Variants in TMEM181 observed in about 807,000 individuals in gnomAD.
The protein encoded by TMEM181 is transmembrane protein 181.
A neutral mutation model predicts 71.9 loss-of-function variants in TMEM181; 39 were observed. The ratio of observed to expected loss-of-function variants is 0.54; its 90% CI spans 0.42 to 0.71. TMEM181 has a LOEUF of 0.71. TMEM181 is among the 30% of genes least tolerant of loss of function. The pLI, the probability that TMEM181 is intolerant of heterozygous loss-of-function variation, is 0.00. For synonymous variants in TMEM181, 245 were observed against 228.8 expected, an observed-to-expected ratio of 1.07 and a Z score of -0.64; for missense variants, 595 against 583.0, an observed-to-expected ratio of 1.02 and a Z score of -0.21.
intron 1 of TMEM181, among the ~76,000 whole-genome samples, chr6:158,541,033 G>C (rs1226503938): frequency 2.6e-5 from 4 of 152,104 alleles, no homozygotes; most frequent in Non-Finnish European, 5.9e-5. Flanking sequence ...TAAAAACAAA[G>C]ATGCCCAGGT....
intron 10 of TMEM181, among the ~76,000 whole-genome samples, chr6:158,612,747 T>A (rs1785404906): frequency 2.0e-5 from 3 of 152,234 alleles, no homozygotes; most frequent in African/African-American, 7.2e-5. Flanking sequence ...TGTTATTTTT[T>A]ATTAGTAACT....
At chr6:158,556,811 A>G (rs1975414), upstream of TMEM181, among the ~76,000 whole-genome samples, 93,377 of 151,922 alleles carry the variant, frequency 0.61, 29,117 homozygotes, top group East Asian at 0.73. Context: ...TGCCCAGGCT[A>G]GAGTGCAGTG....
In TMEM181 at chr6:158,628,292, GCAGAAAT is replaced by G. The variant is rs756211756; in HGVS notation, c.1110-113_1110-107del. ...TGTGCATGTGTGTGGAAGTTCCCAT[GCAGAAAT>G]CATAGTGTACAGACGGAAAGCTTGA... On this transcript the variant is annotated intron_variant, in intron 13 of 16. Transcript: ENST00000684151. 4.3e-4 allele frequency: 394 copies of G among 914,508 alleles called. 1 individual carries two copies. Among genetic ancestry groups the G allele is most frequent in the Admixed American group, 1.4e-3 (73 of 51,084 alleles). The allele number at this position is 914,508 out of a possible 1,614,324, so 56.6% of individuals were successfully genotyped here. A position where few individuals can be genotyped will look rare whatever the true frequency, so the allele number is the denominator to read the frequency against.
intron 10 of TMEM181, among the ~76,000 whole-genome samples, chr6:158,613,423 A>G (rs1196798517): frequency 1.3e-5 from 2 of 152,226 alleles, no homozygotes; most frequent in East Asian, 3.8e-4. Flanking sequence ...AAGGAATCAG[A>G]TAAGACTTTC....
In TMEM181 at chr6:158,589,720, C is replaced by T; in HGVS notation, c.430C>T (p.Gln144Ter). 5 of 1,614,114 alleles carry T rather than the reference C, an allele frequency of 3.1e-6. No individual in the cohort carries two copies. The highest frequency in any genetic ancestry group is 4.2e-6 in the Non-Finnish European group (5 of 1,180,006). Residue 144 changes from glutamine to a stop codon, truncating the protein, a stop_gained, in exon 6 of 17, where the codon CAG becomes TAG. Transcript: ENST00000684151. LOFTEE classifies it high-confidence loss of function. ...VAHLGYLNYT[Q>*]YTVIVGFEHL... ...TCACCTTGGCTACCTGAACTACACT[C>T]AGTATACAGTGATAGTGGGATTTGA...
At chr6:158,589,617 G>A (rs1783985729) in intron 5 of TMEM181, 55 bp from the exon 6 acceptor site, 1 of 1,339,658 alleles carries the variant, frequency 7.5e-7, no homozygotes, top group Non-Finnish European at 1.1e-6. Context: ...TGGGTTATTT[G>A]GCGGGAGCGT....
intron 1 of TMEM181, among the ~76,000 whole-genome samples, chr6:158,570,826 A>G (rs547212296): frequency 5.8e-4 from 88 of 151,668 alleles, no homozygotes; most frequent in African/African-American, 2.0e-3. Flanking sequence ...CATCTAGTCC[A>G]TTTAGCTTTG....
intron 1 of TMEM181, among the ~76,000 whole-genome samples, chr6:158,545,621 G>T (rs1238176292): frequency 1.3e-5 from 2 of 152,080 alleles, no homozygotes; most frequent in Non-Finnish European, 2.9e-5. Flanking sequence ...TTGGAAACAT[G>T]CTGTAAGGGG....
chr6:158,583,877 TTGTG>T, intron 3 of TMEM181, 73 bp from the exon 4 acceptor site: 2 of 1,042,710 alleles, frequency 1.9e-6, no homozygotes, highest in Non-Finnish European at 2.8e-6. Flanking sequence ...AAAGTAAACT[TTGTG>T]TGTTAAAACG....
rs762469850 is a variant in TMEM181, at chr6:158,605,342, G to A, written c.568G>A (p.Val190Ile). ...RFFFVVLTFI[V>I]TCLFAHSLRK... ...TTTCTTTGTGGTGCTCACCTTCATC[G>A]TCACTGTGAGTACCATTCGCCTGAT... Residue 190 changes from valine to isoleucine, a missense_variant, in exon 7 of 17, where the codon GTC becomes ATC. Val to Ile is a conservative substitution (Grantham distance 29). Coordinates refer to ENST00000684151, the MANE Select transcript of TMEM181 (RefSeq NM_001376852.1). 26 of 1,613,646 alleles carry A rather than the reference G, an allele frequency of 1.6e-5. No homozygotes were observed. The highest frequency in any genetic ancestry group is 2.2e-5 in the East Asian group (1 of 44,880).
chr6:158,567,716 G>T (rs1782587929), intron 1 of TMEM181, among the ~76,000 whole-genome samples: 1 of 152,236 alleles, frequency 6.6e-6, no homozygotes, highest in Non-Finnish European at 1.5e-5. Context: ...GCGGGTTTCA[G>T]TGTTGCACTT....
At chr6:158,606,963 G>T (rs921312667) in intron 7 of TMEM181, among the ~76,000 whole-genome samples, 1 of 152,190 alleles carries the variant, frequency 6.6e-6, no homozygotes, top group Non-Finnish European at 1.5e-5. Flanking sequence ...CTTTCCTTTT[G>T]CAGGGATTAC....
At chr6:158,617,963 G>A (rs925581024) in intron 10 of TMEM181, among the ~76,000 whole-genome samples, 2 of 152,220 alleles carry the variant, frequency 1.3e-5, no homozygotes, top group East Asian at 1.9e-4. Context: ...CATTGATTAG[G>A]GATGGAGAGT....
At chr6:158,544,746 C>A (rs553752381) in intron 1 of TMEM181, among the ~76,000 whole-genome samples, 30 of 152,262 alleles carry the variant, frequency 2.0e-4, no homozygotes, top group Middle Eastern at 3.4e-3. Flanking sequence ...CCCTGTAAGG[C>A]CTGCCCACGC....
At position 158,631,957 on chromosome 6, in the gene TMEM181, C is replaced by A; in HGVS notation, c.*69C>A. On this transcript the variant is annotated 3_prime_UTR_variant, in exon 17 of 17. Coordinates refer to ENST00000684151, the MANE Select transcript of TMEM181 (RefSeq NM_001376852.1). ...CCCCGGTGACCGTCTGCTGACCTTC[C>A]CCTGTTATATTCAGATTTTTCTTAC... The A allele has an allele frequency of 7.3e-7, 1 of 1,369,794 alleles. No individual in the cohort carries two copies. Among genetic ancestry groups the A allele is most frequent in the Non-Finnish European group, 1.0e-6 (1 of 985,482 alleles). 84.9% of individuals were successfully genotyped at this position (1,369,794 alleles called of 1,614,324 possible).
intron 6 of TMEM181, among the ~76,000 whole-genome samples, chr6:158,597,232 C>T (rs570342340): frequency 2.0e-5 from 3 of 152,214 alleles, no homozygotes; most frequent in Non-Finnish European, 4.4e-5. Context: ...TTTGTTTCTA[C>T]TTAAATGTTT....
chr6:158,560,649 A>T (rs1318237291), intron 1 of TMEM181, among the ~76,000 whole-genome samples: 1 of 152,182 alleles, frequency 6.6e-6, no homozygotes, highest in Admixed American at 6.5e-5. Flanking sequence ...TCCCCTCGGT[A>T]TCGAGAGCGC....
chr6:158,630,072 T>C (rs1162679284), intron 15 of TMEM181, among the ~76,000 whole-genome samples: 3 of 152,234 alleles, frequency 2.0e-5, no homozygotes, highest in Non-Finnish European at 2.9e-5. Context: ...CAGCTTTTGC[T>C]GTTCAGTTTG....
intron 1 of TMEM181, among the ~76,000 whole-genome samples, chr6:158,562,415 C>T (rs953383751): frequency 6.6e-6 from 1 of 150,824 alleles, no homozygotes; most frequent in Non-Finnish European, 1.5e-5. Context: ...CTTACTTTAG[C>T]ATTTCTCTGC....
Sources: allele counts gnomAD v4.1 joint callset (sites outside exome capture counted in the v4.1 genomes callset), GRCh38; gene constraint gnomAD v4.1.1; transcripts MANE v1.5; gene names NCBI Gene and HGNC (gene_info 2026-07-23, HGNC 2026-07-21).